Variants in GHR observed in about 807,000 individuals in gnomAD.
GHR encodes GH receptor.
Under a neutral mutation model 67.1 loss-of-function variants are expected in GHR, and 35 were observed. The ratio of observed to expected loss-of-function variants is 0.52; its 90% CI spans 0.40 to 0.69. The LOEUF (loss-of-function observed/expected upper bound fraction) is 0.69. Ranked by LOEUF, GHR falls within the 30% of genes least tolerant of loss-of-function variation. The pLI, the probability that GHR is intolerant of heterozygous loss-of-function variation, is 0.00. For missense variants in GHR, 792 were observed against 764.6 expected, an observed-to-expected ratio of 1.04 and a Z score of -0.42; for synonymous variants, 272 against 269.1, an observed-to-expected ratio of 1.01 and a Z score of -0.10.
chr5:42,423,446 A>T lies in GHR; in HGVS notation c.-521A>T, dbSNP rs779614365. On this transcript the variant is annotated 5_prime_UTR_variant, in exon 1 of 10. Transcript: ENST00000230882. Reference sequence around the variant, plus strand: ...GGAGGAGCCGCGCAGCTCAGTTGAGAGTGACACGCACCAACTCCAGCTCCT... The same window carrying T: ...GGAGGAGCCGCGCAGCTCAGTTGAGTGTGACACGCACCAACTCCAGCTCCT... 6.6e-6 allele frequency among the ~76,000 whole-genome samples: 1 copy of T among 152,174 alleles called. No individual in the cohort carries two copies. The highest frequency in any genetic ancestry group is 1.5e-5 in the Non-Finnish European group (1 of 68,018).
intron 3 of GHR, chr5:42,646,287 T>C (rs1228336540): frequency 2.2e-6 from 1 of 450,238 alleles, no homozygotes; most frequent in East Asian, 7.0e-5. Context: ...CCCTGCAAAT[T>C]GAACCCCAGC....
At chr5:42,465,620 A>C (rs1744693061) in intron 1 of GHR, 8 of 1,040,552 alleles carry the variant, frequency 7.7e-6, no homozygotes, top group Non-Finnish European at 1.1e-5. Context: ...GGACTCTGTT[A>C]ATTCATCTTT....
chr5:42,596,038 A>G (rs948311868), intron 2 of GHR, among the ~76,000 whole-genome samples: 2 of 152,232 alleles, frequency 1.3e-5, no homozygotes, highest in African/African-American at 4.8e-5. Context: ...TGAGAGATCA[A>G]TTAGGAGAAA....
At chr5:42,515,172 A>G (rs1011009244) in intron 1 of GHR, among the ~76,000 whole-genome samples, 1 of 152,200 alleles carries the variant, frequency 6.6e-6, no homozygotes, top group Non-Finnish European at 1.5e-5. Context: ...CCTTCCAGAA[A>G]ACCAAAGAAT....
intron 1 of GHR, among the ~76,000 whole-genome samples, chr5:42,540,054 A>T (rs997045644): frequency 3.9e-5 from 6 of 152,184 alleles, no homozygotes; most frequent in African/African-American, 1.4e-4. Context: ...TTTTCTGCAC[A>T]TTCGAATAAT....
At chr5:42,577,224 G>C (rs938729613) in intron 2 of GHR, among the ~76,000 whole-genome samples, 1 of 152,148 alleles carries the variant, frequency 6.6e-6, no homozygotes, top group Non-Finnish European at 1.5e-5. Context: ...TTCCACATGA[G>C]ATTATATTTG....
At chr5:42,570,568 T>A (rs1192993980) in intron 2 of GHR, among the ~76,000 whole-genome samples, 1 of 152,184 alleles carries the variant, frequency 6.6e-6, no homozygotes, top group African/African-American at 2.4e-5. Flanking sequence ...TTTTTTTGTT[T>A]TAGAGATAGG....
chr5:42,609,561 T>C (rs956790696), intron 2 of GHR, among the ~76,000 whole-genome samples: 5 of 152,172 alleles, frequency 3.3e-5, no homozygotes, highest in African/African-American at 1.2e-4. Flanking sequence ...TTCCTAGCTG[T>C]TGGGTAGCCA....
intron 1 of GHR, among the ~76,000 whole-genome samples, chr5:42,564,518 G>T (rs1437224999): frequency 6.6e-6 from 1 of 152,170 alleles, no homozygotes; most frequent in Non-Finnish European, 1.5e-5. Context: ...TGCACATGGG[G>T]ATTCAGATAC....
intron 1 of GHR, among the ~76,000 whole-genome samples, chr5:42,445,508 A>G (rs987161292): frequency 2.4e-4 from 37 of 152,176 alleles, no homozygotes; most frequent in African/African-American, 8.4e-4. Flanking sequence ...TTCTGCCTGG[A>G]AAAGGGCTCA....
intron 4 of GHR, among the ~76,000 whole-genome samples, chr5:42,691,455 C>G (rs1309158126): frequency 2.6e-5 from 4 of 152,188 alleles, no homozygotes; most frequent in Admixed American, 1.3e-4. Flanking sequence ...TATTTGATTT[C>G]TCATTGCCCA....
chr5:42,565,002 GAC>G (rs1749844765), intron 1 of GHR, among the ~76,000 whole-genome samples: 1 of 152,298 alleles, frequency 6.6e-6, no homozygotes, highest in East Asian at 1.9e-4. Flanking sequence ...CCGGGATGTG[GAC>G]ACCCTGGTAT....
intron 1 of GHR, among the ~76,000 whole-genome samples, chr5:42,431,752 C>T (rs1743105514): frequency 6.6e-6 from 1 of 152,182 alleles, no homozygotes; most frequent in Non-Finnish European, 1.5e-5. Context: ...AATCTATCTC[C>T]AGCTGGCTGG....
At chr5:42,527,974 GCCACAGTTGAGA>G (rs1191584435) in intron 1 of GHR, among the ~76,000 whole-genome samples, 1 of 152,010 alleles carries the variant, frequency 6.6e-6, no homozygotes, top group Admixed American at 6.5e-5. Context: ...ATATTTTAAG[GCCACAGTTGAGA>G]CCTCCTGCAC....
chr5:42,493,532 G>T (rs967726413), intron 1 of GHR, among the ~76,000 whole-genome samples: 3 of 152,040 alleles, frequency 2.0e-5, no homozygotes, highest in Non-Finnish European at 4.4e-5. Flanking sequence ...AATAATAAAT[G>T]ATTTTATGCA....
intron 2 of GHR, among the ~76,000 whole-genome samples, chr5:42,593,624 C>T (rs1220602129): frequency 6.6e-6 from 1 of 152,164 alleles, no homozygotes; most frequent in African/African-American, 2.4e-5. Flanking sequence ...CATCTGAAGG[C>T]AGTGCACTGG....
chr5:42,427,998 A>G (rs1742928066), intron 1 of GHR, among the ~76,000 whole-genome samples: 1 of 152,180 alleles, frequency 6.6e-6, no homozygotes, highest in Non-Finnish European at 1.5e-5. Context: ...GGTGCTGGGG[A>G]ATGGTGGCCC....
chr5:42,619,182 G>T (rs1475710163), intron 2 of GHR, among the ~76,000 whole-genome samples: 1 of 151,924 alleles, frequency 6.6e-6, no homozygotes, highest in Non-Finnish European at 1.5e-5. Flanking sequence ...AGCTCACTGG[G>T]GTCTATTTCA....
chr5:42,458,010 T>C (rs1367119023), intron 1 of GHR, among the ~76,000 whole-genome samples: 1 of 152,222 alleles, frequency 6.6e-6, no homozygotes. Context: ...ATTTCCTTTT[T>C]CCTAGAAGAT....
Sources: allele counts gnomAD v4.1 joint callset (sites outside exome capture counted in the v4.1 genomes callset), GRCh38; gene constraint gnomAD v4.1.1; transcripts MANE v1.5; gene names NCBI Gene and HGNC (gene_info 2026-07-23, HGNC 2026-07-21).